ADGB: variants seen among roughly 807,000 people sequenced by gnomAD.
The protein encoded by ADGB is androglobin, also known as calpain-7-like protein.
A neutral mutation model predicts 210.5 loss-of-function variants in ADGB; 172 were observed. The ratio of observed to expected loss-of-function variants is 0.82; its 90% CI spans 0.72 to 0.93. ADGB has a LOEUF of 0.93. Ranked by LOEUF, ADGB falls within the 40% of genes least tolerant of loss-of-function variation. The pLI is 0.00. For missense variants in ADGB, 2,025 were observed against 1,964.8 expected, an observed-to-expected ratio of 1.03 and a Z score of -0.58; for synonymous variants, 658 against 662.7, an observed-to-expected ratio of 0.99 and a Z score of 0.11.
At chr6:146,690,179 C>G (rs1157262764) in intron 10 of ADGB, among the ~76,000 whole-genome samples, 1 of 152,068 alleles carries the variant, frequency 6.6e-6, no homozygotes, top group African/African-American at 2.4e-5. Context: ...GTTGTGAGAG[C>G]AAGGCAGTTT....
intron 29 of ADGB, among the ~76,000 whole-genome samples, chr6:146,779,779 A>C (rs1457662711): frequency 3.3e-5 from 5 of 152,046 alleles, no homozygotes; most frequent in African/African-American, 1.2e-4. Flanking sequence ...AATATTTTTC[A>C]ATTTATTTTG....
intron 27 of ADGB, among the ~76,000 whole-genome samples, chr6:146,761,829 C>T (rs1320795041): frequency 1.3e-5 from 2 of 152,052 alleles, no homozygotes; most frequent in Non-Finnish European, 2.9e-5. Context: ...AGTCTGAAAT[C>T]AACATATTGT....
chr6:146,605,042 A>G (rs1780612409), intron 1 of ADGB, among the ~76,000 whole-genome samples: 1 of 152,164 alleles, frequency 6.6e-6, no homozygotes, highest in Admixed American at 6.5e-5. Flanking sequence ...TCCAAGTTGA[A>G]TCATAAAGCA....
At chr6:146,716,401 C>T (rs1490246041) in intron 14 of ADGB, among the ~76,000 whole-genome samples, 1 of 128,834 alleles carries the variant, frequency 7.8e-6, no homozygotes, top group Non-Finnish European at 1.5e-5. Flanking sequence ...ACCATCCTGG[C>T]TAACAAGGTG....
Position 146,635,531 on chromosome 6 carries a change from T to C in ADGB, c.231T>C (p.Pro77=). 6.5e-7 allele frequency: 1 copy of C among 1,533,598 alleles called. No homozygotes were observed. The highest frequency in any genetic ancestry group is 8.8e-7 in the Non-Finnish European group (1 of 1,139,430). 95.0% of individuals were successfully genotyped at this position (1,533,598 alleles called of 1,614,324 possible). Residue 77 remains proline, a synonymous_variant, in exon 2 of 36, where the codon CCT becomes CCC. Transcript: ENST00000397944. The part of the protein sequence containing the change: ...AKEKDKTGKS[P]VFHFFEDPEG... ...AAAAGGACAAAACAGGAAAAAGCCCTGTATTTGTAAGTAGATGTAAATGTG... is the reference window on the plus strand; with the variant it reads ...AAAAGGACAAAACAGGAAAAAGCCCCGTATTTGTAAGTAGATGTAAATGTG...
intron 28 of ADGB, among the ~76,000 whole-genome samples, chr6:146,768,082 C>A (rs1777602267): frequency 6.6e-6 from 1 of 152,298 alleles, no homozygotes; most frequent in South Asian, 2.1e-4. Context: ...CAGAAAGTAA[C>A]CCAATCCACT....
At chr6:146,705,826 T>A (rs997194524) in intron 13 of ADGB, among the ~76,000 whole-genome samples, 2 of 152,210 alleles carry the variant, frequency 1.3e-5, no homozygotes, top group South Asian at 4.1e-4. Flanking sequence ...TTTGTCAGAT[T>A]TTTTTGGAAG....
chr6:146,702,401 T>A (rs553287171), intron 13 of ADGB, among the ~76,000 whole-genome samples: 2 of 151,916 alleles, frequency 1.3e-5, no homozygotes, highest in East Asian at 3.9e-4. Flanking sequence ...TGCCTGAGGT[T>A]GCTATTTTTG....
intron 8 of ADGB, among the ~76,000 whole-genome samples, chr6:146,673,519 T>C (rs113620165): frequency 7.2e-5 from 11 of 152,228 alleles, no homozygotes; most frequent in African/African-American, 2.4e-4. Context: ...TTAGGACTTA[T>C]AATGGTGTTT....
intron 13 of ADGB, among the ~76,000 whole-genome samples, chr6:146,703,665 A>C (rs1332501884): frequency 6.6e-6 from 1 of 151,916 alleles, no homozygotes; most frequent in African/African-American, 2.4e-5. Context: ...ATAGTATTCT[A>C]TTTTGTATAT....
At position 146,815,099 on chromosome 6, in the gene ADGB, A is replaced by G. The variant is rs1184537057; in HGVS notation, c.4886A>G (p.Glu1629Gly). 6 of 1,548,982 alleles carry G rather than the reference A, an allele frequency of 3.9e-6. No homozygotes were observed. The Middle Eastern group carries it at 6.7e-4, about 172-fold the overall frequency. ...IREEYRNKLL[E>G]AEHLKLETLA... Reference sequence around the variant, plus strand: ...GAAGAGTACAGAAACAAATTGCTGGAAGCTGAGCACCTAAAGCTGGAAACT... The same window carrying G: ...GAAGAGTACAGAAACAAATTGCTGGGAGCTGAGCACCTAAAGCTGGAAACT... Residue 1629 changes from glutamate (E) to glycine (G), a missense_variant, in exon 36 of 36, where the codon GAA (glutamate) becomes GGA (glycine). By Grantham distance (98) the Glu-to-Gly change is moderately conservative (BLOSUM62 -2). Coordinates refer to ENST00000397944, the MANE Select transcript of ADGB (RefSeq NM_024694.4).
At chr6:146,735,701 A>T (rs1350853087) in intron 22 of ADGB, among the ~76,000 whole-genome samples, 1 of 152,204 alleles carries the variant, frequency 6.6e-6, no homozygotes, top group African/African-American at 2.4e-5. Context: ...CTTTTTAGAG[A>T]CTGAAAATAT....
chr6:146,721,446 T>G lies in ADGB; in HGVS notation c.2036T>G (p.Leu679Arg). The change falls in exon 17 of 36, where the codon CTA becomes CGA. Residue 679 changes from leucine (L) to arginine (R), a missense_variant. Leu to Arg is a moderately radical substitution (Grantham distance 102, BLOSUM62 -2). Coordinates refer to ENST00000397944, the MANE Select transcript of ADGB (RefSeq NM_024694.4). The part of the protein sequence containing the change: ...RVSYYLFVDS[L>R]KPIELLVCFS... ...TCCTACTATCTATTTGTAGATAGTC[T>G]AAAACCTATTGAACTACTGGTTTGC... 1 of 1,551,434 alleles carries G rather than the reference T, an allele frequency of 6.4e-7. No individual in the cohort carries two copies. The highest frequency in any genetic ancestry group is 8.7e-7 in the Non-Finnish European group (1 of 1,146,728).
chr6:146,656,934 C>T lies in ADGB; in HGVS notation c.566C>T (p.Pro189Leu), dbSNP rs1775790314. The change falls in exon 5 of 36, where the codon CCT becomes CTT. Residue 189 changes from proline (P) to leucine (L), a missense_variant. By Grantham distance (98) the Pro-to-Leu change is moderately conservative (BLOSUM62 -3). Transcript: ENST00000397944. ...TGCAAGGCTGTGAAGGGTCATATGC[C>T]TTTGTTCAATAGCTATGGAAAGTAT... ...SLCKAVKGHM[P>L]LFNSYGKYVV... is the part of the protein sequence containing the mutation. 1 of 1,551,390 alleles carries T rather than the reference C, an allele frequency of 6.4e-7. No homozygotes were observed. Among genetic ancestry groups the T allele is most frequent in the African/African-American group, 1.4e-5 (1 of 73,008 alleles).
intron 19 of ADGB, among the ~76,000 whole-genome samples, chr6:146,727,110 CAAT>C (rs1277793590): frequency 4.0e-5 from 6 of 150,620 alleles, no homozygotes; most frequent in African/African-American, 1.5e-4. Flanking sequence ...GCATTTGGGA[CAAT>C]ATTTGCAGAC....
chr6:146,723,055 T>C (rs1272005667), intron 17 of ADGB, among the ~76,000 whole-genome samples: 1 of 152,194 alleles, frequency 6.6e-6, no homozygotes. Flanking sequence ...GGGCAGGGAT[T>C]TTTTTTAAAC....
chr6:146,611,690 G>A (rs375790196), intron 1 of ADGB, among the ~76,000 whole-genome samples: 6 of 152,084 alleles, frequency 3.9e-5, no homozygotes, highest in East Asian at 1.9e-4. Context: ...TCCTCTCAGC[G>A]CCCTCCTTCT....
At chr6:146,649,497 A>ATTT (rs35622724) in intron 3 of ADGB, among the ~76,000 whole-genome samples, 2 of 145,240 alleles carry the variant, frequency 1.4e-5, no homozygotes, top group African/African-American at 5.0e-5. Flanking sequence ...TATTTTACTA[A>ATTT]TTTTTTTTTT....
At chr6:146,691,443 A>AATATATATAT (rs1397599810) in intron 11 of ADGB, among the ~76,000 whole-genome samples, 153 bp downstream of exon 11, 35 of 21,254 alleles carry the variant, frequency 1.6e-3, no homozygotes, top group African/African-American at 4.5e-3. Flanking sequence ...TATATATATA[A>AATATATATAT]AAATATATAT....
Sources: allele counts gnomAD v4.1 joint callset (sites outside exome capture counted in the v4.1 genomes callset), GRCh38; gene constraint gnomAD v4.1.1; transcripts MANE v1.5; gene names NCBI Gene and HGNC (gene_info 2026-07-23, HGNC 2026-07-21).